The following RAP1GAP2 variants were observed in gnomAD, a reference collection of about 807,000 sequenced individuals.
RAP1GAP2 encodes rap1 GTPase-activating protein 2.
In RAP1GAP2, 27 loss-of-function variants were observed where a neutral mutation model predicts 95.0. The ratio of observed to expected loss-of-function variants is 0.28; its 90% CI spans 0.21 to 0.39. The LOEUF is 0.39. Ranked by LOEUF, RAP1GAP2 falls within the 10% of genes least tolerant of loss-of-function variation. RAP1GAP2 has a pLI of 1.00. For missense variants in RAP1GAP2, 771 were observed against 970.0 expected, an observed-to-expected ratio of 0.79 and a Z score of 2.72; for synonymous variants, 373 against 380.9, an observed-to-expected ratio of 0.98 and a Z score of 0.24.
chr17:2,849,537 C>T (rs572510537), intron 2 of RAP1GAP2, among the ~76,000 whole-genome samples: 4 of 152,326 alleles, frequency 2.6e-5, no homozygotes, highest in Admixed American at 6.5e-5. Flanking sequence ...CCCTCAGGAA[C>T]GGGCTGTGCA....
intron 1 of RAP1GAP2, among the ~76,000 whole-genome samples, chr17:2,769,163 T>G (rs1171120249): frequency 1.4e-5 from 2 of 145,740 alleles, no homozygotes; most frequent in African/African-American, 5.1e-5. Context: ...GTCCACAGGT[T>G]GGAGGCTTCA....
chr17:2,996,376 T>G (rs546501650), intron 13 of RAP1GAP2, among the ~76,000 whole-genome samples: 8 of 152,232 alleles, frequency 5.3e-5, no homozygotes, highest in African/African-American at 1.9e-4. Flanking sequence ...TCTGGGAAAA[T>G]AAGAAAATGC....
Position 2,977,130 on chromosome 17 carries a change from AAAAAAAAG to A in RAP1GAP2, c.597-3144_597-3137del, listed in dbSNP as rs1319430774. On this transcript the variant is annotated intron_variant, in intron 8 of 24. Coordinates refer to ENST00000254695, the MANE Select transcript of RAP1GAP2 (RefSeq NM_015085.5). ...AAGAATGAAACTCCATCTCAAAAAAAAAAAAAAGAAAAAAAGAAAAGAAAAGATACAAA... is the reference window on the plus strand; with the variant it reads ...AAGAATGAAACTCCATCTCAAAAAAAAAAAAAAGAAAAGAAAAGATACAAA... 4.0e-5 allele frequency among the ~76,000 whole-genome samples: 6 copies of A among 151,772 alleles called. No homozygotes were observed. In the East Asian group the frequency reaches 1.2e-3, roughly 29 times the overall value.
At chr17:2,792,272 G>A (rs1456467790), upstream of RAP1GAP2, among the ~76,000 whole-genome samples, 4 of 152,208 alleles carry the variant, frequency 2.6e-5, no homozygotes, top group African/African-American at 4.8e-5. Flanking sequence ...AAGAAGCTGC[G>A]CGGGACTGAA....
At chr17:2,929,389 C>T (rs1163724105) in intron 3 of RAP1GAP2, among the ~76,000 whole-genome samples, 1 of 152,248 alleles carries the variant, frequency 6.6e-6, no homozygotes, top group East Asian at 1.9e-4. Flanking sequence ...CCCCTGGCCC[C>T]GCCAGGTGAC....
intron 16 of RAP1GAP2, among the ~76,000 whole-genome samples, chr17:3,006,760 A>G (rs1389572586): frequency 1.3e-5 from 2 of 151,856 alleles, no homozygotes; most frequent in African/African-American, 4.8e-5. Context: ...AGCACCTACT[A>G]TGTGTCAGGC....
rs557879374 is a variant in RAP1GAP2 at position 2,866,049 on chromosome 17, T to G, written c.81-39235T>G. 6.6e-6 allele frequency among the ~76,000 whole-genome samples: 1 copy of G among 152,038 alleles called. No individual in the cohort carries two copies. The highest frequency in any genetic ancestry group is 2.1e-4 in the South Asian group (1 of 4,806). On this transcript the variant is annotated intron_variant, in intron 2 of 24. Coordinates refer to ENST00000254695, the MANE Select transcript of RAP1GAP2 (RefSeq NM_015085.5). The surrounding 1 kb of genome is among the most constrained non-coding windows in gnomAD (Gnocchi z 4.0). ...GAATCCAAGACAGAAGAGGGAGGTG[T>G]GGAGAAGAGGTGCAGGGAGCCCTGG...
intron 18 of RAP1GAP2, 96 bp from the exon 19 acceptor site, chr17:3,020,381 C>T: frequency 1.0e-6 from 1 of 983,206 alleles, no homozygotes; most frequent in Non-Finnish European, 1.6e-6. Flanking sequence ...GGGTCTCTTC[C>T]AGACCAGGAG....
In RAP1GAP2 at chr17:3,005,353, ACT is replaced by A; in HGVS notation, c.1201-13_1201-12del. ...CTCTTCCCTCCAGGTCCGTACCATG[ACT>A]CTGTTTCACTCAGGTCTCTGTCACT... On this transcript the variant is annotated splice_polypyrimidine_tract_variant and intron_variant, in intron 14 of 24. Coordinates refer to ENST00000254695, the MANE Select transcript of RAP1GAP2 (RefSeq NM_015085.5). The surrounding 1 kb of genome is among the most constrained non-coding windows in gnomAD (Gnocchi z 5.2). 6.2e-7 allele frequency: 1 copy of A among 1,611,672 alleles called. No individual in the cohort carries two copies. The highest frequency in any genetic ancestry group is 1.3e-5 in the African/African-American group (1 of 74,758).
chr17:2,814,907 G>A (rs781593718), intron 2 of RAP1GAP2, among the ~76,000 whole-genome samples: 87 of 152,196 alleles, frequency 5.7e-4, no homozygotes, highest in Non-Finnish European at 1.1e-3. Flanking sequence ...ACCAGCAGAC[G>A]CCCCGTGGAA....
At chr17:2,838,033 T>TTG (rs2071215956) in intron 2 of RAP1GAP2, among the ~76,000 whole-genome samples, 1 of 145,902 alleles carries the variant, frequency 6.9e-6, no homozygotes, top group Non-Finnish European at 1.5e-5. Context: ...TTTTTTTTTT[T>TTG]TTTGAGACAG....
intron 2 of RAP1GAP2, among the ~76,000 whole-genome samples, chr17:2,839,303 C>G (rs2071273350): frequency 6.7e-6 from 1 of 150,314 alleles, no homozygotes; most frequent in Non-Finnish European, 1.5e-5. Flanking sequence ...CAGTGAGACT[C>G]TGTCTTAATA....
At chr17:2,767,086 A>ACGT (rs1272124194) in intron 1 of RAP1GAP2, among the ~76,000 whole-genome samples, 1 of 151,780 alleles carries the variant, frequency 6.6e-6, no homozygotes, top group Non-Finnish European at 1.5e-5. Flanking sequence ...ATTGGTGGCC[A>ACGT]GGCGTGGTGG....
At chr17:2,828,028 TA>T (rs1171031967) in intron 2 of RAP1GAP2, among the ~76,000 whole-genome samples, 3 of 151,920 alleles carry the variant, frequency 2.0e-5, no homozygotes, top group Non-Finnish European at 4.4e-5. Flanking sequence ...TGACCAAAAC[TA>T]GTTTGGGTCT....
At chr17:2,901,657 C>G (rs575920225) in intron 2 of RAP1GAP2, among the ~76,000 whole-genome samples, 1 of 152,066 alleles carries the variant, frequency 6.6e-6, no homozygotes, top group Non-Finnish European at 1.5e-5. Context: ...TCACTTTCAC[C>G]TCCTCGTGTG....
intron 2 of RAP1GAP2, among the ~76,000 whole-genome samples, chr17:2,890,850 A>G (rs1160250340): frequency 6.6e-6 from 1 of 151,602 alleles, no homozygotes; most frequent in Non-Finnish European, 1.5e-5. Context: ...ACGCCCGGCT[A>G]ATTTTTTGTG....
rs1294960452 is a variant in RAP1GAP2 at position 3,027,379 on chromosome 17, C to T, written c.2107+309C>T. Among the ~76,000 whole-genome samples, 2 of 152,106 alleles carry T rather than the reference C, an allele frequency of 1.3e-5. No individual in the cohort carries two copies. Among genetic ancestry groups the T allele is most frequent in the African/African-American group, 4.8e-5 (2 of 41,424 alleles). On this transcript the variant is annotated intron_variant, in intron 22 of 24. Coordinates refer to ENST00000254695, the MANE Select transcript of RAP1GAP2 (RefSeq NM_015085.5). The surrounding 1 kb of genome is among the most constrained non-coding windows in gnomAD (Gnocchi z 5.2). Reference sequence around the variant, plus strand: ...CACTTTCCATTAGCCCTTCTCCCCACCTGCCAGTGCTCCAACCCTTCTCCC... The same window carrying T: ...CACTTTCCATTAGCCCTTCTCCCCATCTGCCAGTGCTCCAACCCTTCTCCC...
chr17:2,787,928 G>C (rs1415597590), intron 1 of RAP1GAP2, among the ~76,000 whole-genome samples: 8 of 152,158 alleles, frequency 5.3e-5, no homozygotes, highest in African/African-American at 1.4e-4. Flanking sequence ...TATATTAAGT[G>C]CTACCTCGTT....
chr17:2,982,812 G>A (rs1425079865), intron 10 of RAP1GAP2, among the ~76,000 whole-genome samples: 1 of 151,904 alleles, frequency 6.6e-6, no homozygotes, highest in Non-Finnish European at 1.5e-5. Flanking sequence ...GAAAGCCTCG[G>A]GCCTTGGTCA....
Sources: allele counts gnomAD v4.1 joint callset (sites outside exome capture counted in the v4.1 genomes callset), GRCh38; gene constraint gnomAD v4.1.1; non-coding constraint Gnocchi (gnomAD v3.1); transcripts MANE v1.5; gene names NCBI Gene and HGNC (gene_info 2026-07-23, HGNC 2026-07-21).